CDH8: variants seen among roughly 807,000 people sequenced by gnomAD.
CDH8 encodes the protein cadherin 8.
In CDH8, 17 loss-of-function variants were observed where a neutral mutation model predicts 68.1. That is an observed-to-expected ratio of 0.25 (90% CI 0.17 to 0.37). CDH8 has a LOEUF of 0.37. Ranked by LOEUF, CDH8 falls within the 10% of genes least tolerant of loss-of-function variation. The probability of loss-of-function intolerance (pLI) is 1.00; values close to 1 mark genes in which losing one functional copy is unlikely to be tolerated. For synonymous variants in CDH8, 372 were observed against 365.1 expected (o/e 1.02, Z -0.21); for missense variants, 763 against 999.3 (o/e 0.76, Z 3.19).
intron 2 of CDH8, among the ~76,000 whole-genome samples, chr16:61,986,205 T>C (rs1043716807): frequency 3.9e-5 from 6 of 152,190 alleles, no homozygotes; most frequent in African/African-American, 1.4e-4. Flanking sequence ...ATTACAGGCG[T>C]GAGCTACCAC....
intron 8 of CDH8, among the ~76,000 whole-genome samples, chr16:61,728,650 A>G (rs1205050563): frequency 1.3e-5 from 2 of 151,158 alleles, no homozygotes; most frequent in Admixed American, 6.6e-5. Context: ...TTTATCCTTT[A>G]TCTATTCAAC....
At chr16:61,981,683 C>T (rs796162781) in intron 2 of CDH8, among the ~76,000 whole-genome samples, 137 of 112,642 alleles carry the variant, frequency 1.2e-3, no homozygotes, top group Non-Finnish European at 1.4e-3. Flanking sequence ...TGTGTGTGTG[C>T]GCGCGCGCGC....
chr16:61,749,366 C>T (rs1269006662), intron 8 of CDH8, among the ~76,000 whole-genome samples: 1 of 152,016 alleles, frequency 6.6e-6, no homozygotes, highest in African/African-American at 2.4e-5. Flanking sequence ...TTATATACAG[C>T]CTTTCAGAAG....
At chr16:61,865,418 A>T (rs1022252513) in intron 3 of CDH8, among the ~76,000 whole-genome samples, 8 of 152,166 alleles carry the variant, frequency 5.3e-5, no homozygotes, top group Admixed American at 4.6e-4. Context: ...TCTTCTATTC[A>T]CCCATGCATC....
At chr16:61,853,826 A>T (rs1386191616) in intron 4 of CDH8, among the ~76,000 whole-genome samples, 1 of 152,098 alleles carries the variant, frequency 6.6e-6, no homozygotes, top group East Asian at 1.9e-4. Flanking sequence ...TTTAAAATCA[A>T]CGTATATATT....
chr16:61,710,354 A>G (rs1294385059), intron 10 of CDH8, among the ~76,000 whole-genome samples: 3 of 152,122 alleles, frequency 2.0e-5, no homozygotes. Flanking sequence ...CATAAATTAT[A>G]CTCTATACAG....
chr16:61,718,533 G>A lies in CDH8; in HGVS notation c.1537-4575C>T, dbSNP rs75024612. On this transcript the variant is annotated intron_variant, in intron 9 of 11. Coordinates refer to ENST00000577390, the MANE Select transcript of CDH8 (RefSeq NM_001796.5). ...TAGAAAGGGGGTGAAGGAAAGGAAG[G>A]GAAGTTACGGTCGATGAAGAAGGAA... Among the ~76,000 whole-genome samples, 392 of 151,308 alleles carry A rather than the reference G, an allele frequency of 2.6e-3. 2 individuals are homozygous for A. The highest frequency in any genetic ancestry group is 8.8e-3 in the African/African-American group (364 of 41,380).
intron 8 of CDH8, among the ~76,000 whole-genome samples, chr16:61,764,213 C>T (rs1488728792): frequency 1.3e-5 from 2 of 152,046 alleles, no homozygotes; most frequent in African/African-American, 2.4e-5. Flanking sequence ...CTCCCATAGT[C>T]ACATAGCAAG....
At chr16:61,842,842 C>T (rs1450058522) in intron 4 of CDH8, among the ~76,000 whole-genome samples, 1 of 152,106 alleles carries the variant, frequency 6.6e-6, no homozygotes, top group Non-Finnish European at 1.5e-5. Context: ...TTCGCTCTTA[C>T]ATAAATATTT....
Position 61,653,990 on chromosome 16 carries a change from C to T in CDH8, c.2018G>A (p.Gly673Glu). ...GTCAAAAGCCTCTGTGTCCTCCTCC[C>T]CTCCTCCTTCATCATCGTAGCGAAT... Reference protein sequence around the residue: ...NIIRYDDEGGGEEDTEAFDIA... With the variant: ...NIIRYDDEGGEEEDTEAFDIA... The change falls in exon 12 of 12, where the codon GGG (glycine) becomes GAG (glutamate). Residue 673 changes from glycine (G) to glutamate (E), a missense_variant. Around this residue, in one of 2 missense-constraint regions of CDH8, gnomAD observed 397 missense variants for 436.2 expected, o/e 0.91. Coordinates refer to ENST00000577390, the MANE Select transcript of CDH8 (RefSeq NM_001796.5). The T allele has an allele frequency of 1.2e-6, 2 of 1,614,126 alleles. No individual in the cohort carries two copies. The highest frequency in any genetic ancestry group is 1.7e-6 in the Non-Finnish European group (2 of 1,179,986).
chr16:61,745,155 A>C (rs1359886722), intron 8 of CDH8, among the ~76,000 whole-genome samples: 1 of 151,512 alleles, frequency 6.6e-6, no homozygotes, highest in Non-Finnish European at 1.5e-5. Context: ...TCTTGATATA[A>C]TATTTTGGCT....
In CDH8 at chr16:61,822,307, C is replaced by T. The variant is rs1014948210; in HGVS notation, c.836-1194G>A. Among the ~76,000 whole-genome samples the T allele has an allele frequency of 1.8e-4, 24 of 136,298 alleles. 1 individual carries two copies. The highest frequency in any genetic ancestry group is 2.8e-4 in the Non-Finnish European group (18 of 65,118). 89.4% of individuals were successfully genotyped at this position (136,298 alleles called of 152,430 possible). ...CACTGGCATTTATTGGTCCCATCTC[C>T]GAGTTAAACTTACAATCAAATTCTT... On this transcript the variant is annotated intron_variant, in intron 5 of 11. Coordinates refer to ENST00000577390, the MANE Select transcript of CDH8 (RefSeq NM_001796.5).
chr16:61,670,076 T>C (rs1231844694), intron 10 of CDH8, among the ~76,000 whole-genome samples: 1 of 152,054 alleles, frequency 6.6e-6, no homozygotes, highest in Non-Finnish European at 1.5e-5. Flanking sequence ...TTTTTTCCCA[T>C]CTCCTACAAT....
At chr16:61,936,613 A>G (rs185116835) in intron 2 of CDH8, among the ~76,000 whole-genome samples, 1 of 152,170 alleles carries the variant, frequency 6.6e-6, no homozygotes, top group Admixed American at 6.5e-5. Context: ...AAGGATCATC[A>G]TCCTTCTGAT....
chr16:61,751,093 T>C (rs985067685), intron 8 of CDH8, among the ~76,000 whole-genome samples: 1 of 152,096 alleles, frequency 6.6e-6, no homozygotes, highest in African/African-American at 2.4e-5. Flanking sequence ...CTCAGTTGTA[T>C]ATTAGTGTCC....
chr16:61,980,482 T>C (rs779897114), intron 2 of CDH8, among the ~76,000 whole-genome samples: 34 of 152,176 alleles, frequency 2.2e-4, no homozygotes, highest in Non-Finnish European at 8.8e-5. Flanking sequence ...CATAGTAACA[T>C]CTCTCTTTAG....
chr16:61,868,083 C>A (rs894851547), intron 3 of CDH8, among the ~76,000 whole-genome samples: 1 of 152,092 alleles, frequency 6.6e-6, no homozygotes, highest in African/African-American at 2.4e-5. Context: ...AATATTTATT[C>A]ATTTAATCTT....
chr16:61,690,043 T>C (rs1964187360), intron 10 of CDH8, among the ~76,000 whole-genome samples: 1 of 152,110 alleles, frequency 6.6e-6, no homozygotes, highest in Admixed American at 6.6e-5. Flanking sequence ...TCCATAAAAG[T>C]TGACATACTT....
chr16:61,916,529 T>A (rs1487665381), intron 2 of CDH8, among the ~76,000 whole-genome samples: 1 of 151,920 alleles, frequency 6.6e-6, no homozygotes, highest in Non-Finnish European at 1.5e-5. Context: ...AATAAGTAAA[T>A]AAATAAATAA....
Sources: gnomAD v4.1 joint callset for allele counts (sites outside exome capture counted in the v4.1 genomes callset) on GRCh38, gnomAD v4.1.1 for gene constraint, gnomAD v4.1.1 regional missense constraint, MANE v1.5 for transcripts, NCBI Gene and HGNC (gene_info 2026-07-23, HGNC 2026-07-21) for gene names.